ZNRF3: variants seen among roughly 807,000 people sequenced by gnomAD.
ZNRF3 encodes the protein E3 ubiquitin-protein ligase ZNRF3.
In ZNRF3, 23 loss-of-function variants were observed where a neutral mutation model predicts 72.5. The observed-to-expected ratio is 0.32, with a 90% CI of 0.23 to 0.45. The LOEUF is 0.45. Ranked by LOEUF, ZNRF3 falls within the 20% of genes least tolerant of loss-of-function variation. The probability of loss-of-function intolerance (pLI) is 1.00; values close to 1 mark genes in which losing one functional copy is unlikely to be tolerated. For synonymous variants in ZNRF3, 610 were observed against 545.3 expected (o/e 1.12, Z -1.65); for missense variants, 1,169 against 1,272.1 (o/e 0.92, Z 1.23).
chr22:29,003,513 CA>C (rs796336147), intron 2 of ZNRF3, among the ~76,000 whole-genome samples: 321 of 103,066 alleles, frequency 3.1e-3, no homozygotes, highest in East Asian at 3.5e-3. Context: ...GACTCCGACT[CA>C]AAAAAAAAAA....
chr22:28,976,488 A>G (rs192665896), intron 1 of ZNRF3, among the ~76,000 whole-genome samples: 11 of 152,330 alleles, frequency 7.2e-5, no homozygotes, highest in African/African-American at 2.4e-4. Flanking sequence ...CCTGGGTGAC[A>G]AAGTGAGACC....
intron 1 of ZNRF3, among the ~76,000 whole-genome samples, chr22:28,948,098 C>T (rs2035086845): frequency 6.6e-6 from 1 of 152,134 alleles, no homozygotes; most frequent in Non-Finnish European, 1.5e-5. Context: ...CCACCTTGGC[C>T]TCCCAAAGTG....
chr22:29,008,743 A>C (rs2036300365), intron 2 of ZNRF3, among the ~76,000 whole-genome samples: 1 of 152,170 alleles, frequency 6.6e-6, no homozygotes, highest in Non-Finnish European at 1.5e-5. Context: ...ACCAACAACT[A>C]TCCTTGTTAA....
chr22:28,994,086 A>T (rs1357144444), intron 2 of ZNRF3, among the ~76,000 whole-genome samples: 1 of 151,622 alleles, frequency 6.6e-6, no homozygotes, highest in Non-Finnish European at 1.5e-5. Context: ...CATTCCTGGC[A>T]CAACCAAAAG....
At chr22:29,051,495 T>A (rs2123890124) in intron 8 of ZNRF3, among the ~76,000 whole-genome samples, 1 of 151,764 alleles carries the variant, frequency 6.6e-6, no homozygotes, top group Non-Finnish European at 1.5e-5. Context: ...TCCCAGCTAC[T>A]CAGGATGCTG....
intron 1 of ZNRF3, among the ~76,000 whole-genome samples, chr22:28,956,115 G>A (rs902344994): frequency 2.0e-5 from 3 of 152,126 alleles, no homozygotes; most frequent in Non-Finnish European, 4.4e-5. Flanking sequence ...TGGCGACGGG[G>A]ATGTCTGGCC....
intron 2 of ZNRF3, among the ~76,000 whole-genome samples, chr22:29,012,616 G>A (rs1463729645): frequency 6.6e-6 from 1 of 152,316 alleles, no homozygotes; most frequent in East Asian, 1.9e-4. Context: ...ATACCTTTCA[G>A]CATCCTTTAC....
rs765258722 is a variant in ZNRF3 at position 29,049,949 on chromosome 22, C to T, written c.1768C>T (p.Leu590Phe). ...GAGCTGCTCCACCTTCCGCAGCTCC[C>T]TCAGCAGCGACTATGACCCCTTCAT... The part of the protein sequence containing the change: ...YGSCSTFRSS[L>F]SSDYDPFIYR... The change falls in exon 8 of 9, where the codon CTC (leucine) becomes TTC (phenylalanine). Residue 590 changes from leucine (L) to phenylalanine (F), a missense_variant. Physicochemically the swap from Leu to Phe is conservative, Grantham distance 22 (BLOSUM62 0). Coordinates refer to ENST00000544604, the MANE Select transcript of ZNRF3 (RefSeq NM_001206998.2). This position sits in a 1 kb window ranked among gnomAD's most constrained non-coding sequence, Gnocchi z 5.2. The T allele has an allele frequency of 6.2e-7, 1 of 1,611,762 alleles. No individual in the cohort carries two copies. Among genetic ancestry groups the T allele is most frequent in the East Asian group, 2.2e-5 (1 of 44,862 alleles).
At chr22:29,015,784 G>A (rs899399835) in intron 2 of ZNRF3, among the ~76,000 whole-genome samples, 1 of 151,804 alleles carries the variant, frequency 6.6e-6, no homozygotes, top group Non-Finnish European at 1.5e-5. Context: ...TTGGGAGGCC[G>A]AGGCGGGTGG....
At position 29,050,183 on chromosome 22, in the gene ZNRF3, A is replaced by G; in HGVS notation, c.2002A>G (p.Ser668Gly). 1 of 1,601,956 alleles carries G rather than the reference A, an allele frequency of 6.2e-7. No individual in the cohort carries two copies. Among genetic ancestry groups the G allele is most frequent in the Non-Finnish European group, 8.5e-7 (1 of 1,179,834 alleles). The change falls in exon 8 of 9, where the codon AGC (serine) becomes GGC (glycine). Residue 668 changes from serine to glycine, a missense_variant. Around this residue, in one of 2 missense-constraint regions of ZNRF3, gnomAD observed 783 missense variants for 731.4 expected, o/e 1.07. Coordinates refer to ENST00000544604, the MANE Select transcript of ZNRF3 (RefSeq NM_001206998.2). The part of the protein sequence containing the change: ...VSTCSLEMNY[S>G]SNSSLEHRGP... Reference sequence around the variant, plus strand: ...CACCTGCAGCCTGGAGATGAACTACAGCAGCAACTCCTCCCTGGAGCACAG... The same window carrying G: ...CACCTGCAGCCTGGAGATGAACTACGGCAGCAACTCCTCCCTGGAGCACAG...
chr22:29,031,487 C>T lies in ZNRF3; in HGVS notation c.427-11008C>T, dbSNP rs543583878. 51 of 708,630 alleles carry T rather than the reference C, an allele frequency of 7.2e-5. No individual in the cohort carries two copies. In the South Asian group the frequency reaches 2.9e-3, roughly 40 times the overall value. The allele number at this position is 708,630 out of a possible 1,614,324, so 43.9% of individuals were successfully genotyped here. On this transcript the variant is annotated intron_variant, in intron 2 of 8. Transcript: ENST00000544604. ...CCCTTGGTGAGGCAGGCCTTGGGAG[C>T]CCCCTTGCCCAGCGAGAATGTCCTG... is the stretch of plus-strand genomic sequence containing the variant.
At chr22:28,976,428 AG>A (rs1411492745) in intron 1 of ZNRF3, among the ~76,000 whole-genome samples, 4 of 152,288 alleles carry the variant, frequency 2.6e-5, no homozygotes, top group African/African-American at 9.6e-5. Flanking sequence ...GGACTGAGTC[AG>A]GAGGAAGTCC....
At position 28,939,869 on chromosome 22, in the gene ZNRF3, C is replaced by T. The variant is rs980916589; in HGVS notation, c.301-47207C>T. Among the ~76,000 whole-genome samples, 3 of 152,014 alleles carry T rather than the reference C, an allele frequency of 2.0e-5. 1 individual carries two copies. Among genetic ancestry groups the T allele is most frequent in the African/African-American group, 4.8e-5 (2 of 41,380 alleles). The stretch of plus-strand genomic sequence containing the variant: ...ATCCTTCCCCCACTGGTTTTTTAGA[C>T]GTTAGCCTTTGACACCCAAACTTGA... On this transcript the variant is annotated intron_variant, in intron 1 of 8. Coordinates refer to ENST00000544604, the MANE Select transcript of ZNRF3 (RefSeq NM_001206998.2).
intron 1 of ZNRF3, among the ~76,000 whole-genome samples, chr22:28,917,651 A>G (rs997076760): frequency 6.6e-6 from 1 of 152,190 alleles, no homozygotes; most frequent in Non-Finnish European, 1.5e-5. Context: ...AGCCTGGGCA[A>G]TAGTGAGACT....
intron 1 of ZNRF3, among the ~76,000 whole-genome samples, chr22:28,940,657 C>T (rs1210512861): frequency 1.3e-5 from 2 of 152,178 alleles, no homozygotes; most frequent in African/African-American, 2.4e-5. Flanking sequence ...CCTGGGGCCA[C>T]GGAGGTCTTC....
chr22:28,935,608 A>G (rs2034805398), intron 1 of ZNRF3, among the ~76,000 whole-genome samples: 1 of 152,166 alleles, frequency 6.6e-6, no homozygotes, highest in African/African-American at 2.4e-5. Flanking sequence ...GGGTGCCCAC[A>G]CCAACATCCC....
chr22:28,903,583 A>G (rs132533), intron 1 of ZNRF3, among the ~76,000 whole-genome samples: 92,221 of 151,700 alleles, frequency 0.61, 29,203 homozygotes, highest in Admixed American at 0.7. Flanking sequence ...TCCCCTCCCC[A>G]TCCTGAACCC....
intron 1 of ZNRF3, among the ~76,000 whole-genome samples, chr22:28,982,792 C>A (rs1390842126): frequency 1.3e-5 from 2 of 152,200 alleles, no homozygotes; most frequent in Non-Finnish European, 2.9e-5. Flanking sequence ...TAACTTGGAG[C>A]CCTTGGGAAA....
At chr22:28,937,211 ATATATTTTTTTTT>A (rs1396511849) in intron 1 of ZNRF3, among the ~76,000 whole-genome samples, 4 of 3,262 alleles carry the variant, frequency 1.2e-3, no homozygotes, top group East Asian at 0.034. Flanking sequence ...ATATATATAT[ATATATTTTTTTTT>A]TTTTTTTTTT....
Sources: gnomAD v4.1 joint callset for allele counts (sites outside exome capture counted in the v4.1 genomes callset) on GRCh38, gnomAD v4.1.1 for gene constraint, gnomAD v4.1.1 regional missense constraint, Gnocchi (gnomAD v3.1) non-coding constraint, MANE v1.5 for transcripts, NCBI Gene and HGNC (gene_info 2026-07-23, HGNC 2026-07-21) for gene names.